The following MROH7 variants were observed in gnomAD, a reference collection of about 807,000 sequenced individuals.
The protein encoded by MROH7 is maestro heat like repeat family member 7, also known as maestro heat-like repeat-containing protein family member 7.
MROH7 carries 113 observed loss-of-function variants against 129.2 expected under a neutral mutation model. That is an observed-to-expected ratio of 0.87 (90% CI 0.75 to 1.02). The LOEUF (loss-of-function observed/expected upper bound fraction) is 1.02. Ranked by LOEUF, MROH7 falls within the 50% of genes least tolerant of loss-of-function variation. The pLI is 0.00. For synonymous variants in MROH7, 655 were observed against 667.9 expected (o/e 0.98, Z 0.30); for missense variants, 1,601 against 1,671.3 (o/e 0.96, Z 0.73).
At chr1:54,669,031 G>A (rs1644855660) in intron 5 of MROH7, 94 bp downstream of exon 5, 1 of 851,982 alleles carries the variant, frequency 1.2e-6, no homozygotes, top group Non-Finnish European at 1.9e-6. Context: ...GTGGGAGGTT[G>A]AGGTAGGAAG....
chr1:54,699,161 T>TCTTTCTG (rs1553176968), intron 17 of MROH7: 2 of 113,498 alleles, frequency 1.8e-5, no homozygotes, highest in African/African-American at 7.2e-5. Flanking sequence ...TTTCTTTCTT[T>TCTTTCTG]TCTTTCTTTC....
rs906880073 is a variant in MROH7, at chr1:54,703,641, C to T, written c.3564+896C>T. ...GGAGCAAGCCGCGTGCATGTGCGCG[C>T]GCGCATACACACACACACACAAGCA... is the stretch of plus-strand genomic sequence containing the variant. On this transcript the variant is annotated intron_variant, in intron 21 of 23. Coordinates refer to ENST00000421030, the MANE Select transcript of MROH7 (RefSeq NM_001039464.4). This position sits in a 1 kb window ranked among gnomAD's most constrained non-coding sequence, Gnocchi z 4.4. 1.3e-5 allele frequency among the ~76,000 whole-genome samples: 2 copies of T among 151,962 alleles called. No individual in the cohort carries two copies. Among genetic ancestry groups the T allele is most frequent in the Non-Finnish European group, 2.9e-5 (2 of 67,994 alleles).
At chr1:54,707,698 T>A (rs1197733149) in intron 22 of MROH7, among the ~76,000 whole-genome samples, 2 of 152,218 alleles carry the variant, frequency 1.3e-5, no homozygotes, top group Non-Finnish European at 2.9e-5. Context: ...TGTCAGGGCC[T>A]GTGCTGGGGA....
chr1:54,670,882 G>T lies in MROH7; in HGVS notation c.1552G>T (p.Val518Leu), dbSNP rs376972881. 3 of 1,612,482 alleles carry T rather than the reference G, an allele frequency of 1.9e-6. No individual in the cohort carries two copies. Among genetic ancestry groups the T allele is most frequent in the East Asian group, 4.5e-5 (2 of 44,822 alleles). ...GCACAGCGTGTTCTCCCTGCCCTCCGTGCAGGCGATGCAGGAGAAGGACGA... is the reference window on the plus strand; with the variant it reads ...GCACAGCGTGTTCTCCCTGCCCTCCTTGCAGGCGATGCAGGAGAAGGACGA... ...CVHSVFSLPSVQAMQEKDEAK... is the reference protein window; with the variant it reads ...CVHSVFSLPSLQAMQEKDEAK... The change falls in exon 7 of 24, where the codon GTG becomes TTG. Residue 518 changes from valine (V) to leucine (L), a missense_variant. Transcript: ENST00000421030.
At chr1:54,676,240 G>A (rs564274377) in intron 10 of MROH7, among the ~76,000 whole-genome samples, 2 of 152,012 alleles carry the variant, frequency 1.3e-5, no homozygotes, top group South Asian at 4.2e-4. Flanking sequence ...CATACTCTTA[G>A]ATTTATTTAT....
In MROH7 at chr1:54,668,930, A is replaced by G. The variant is rs776502888; in HGVS notation, c.1382A>G (p.Lys461Arg). 52 of 1,596,596 alleles carry G rather than the reference A, an allele frequency of 3.3e-5. No individual in the cohort carries two copies. Among genetic ancestry groups the G allele is most frequent in the Middle Eastern group, 1.7e-4 (1 of 6,032 alleles). Residue 461 changes from lysine to arginine, a missense_variant, in exon 5 of 24, where the codon AAG becomes AGG. Transcript: ENST00000421030. ...GGAGAAAAGAAGACCATGATAAAGA[A>G]GATTATGGTGGGGGAGCCACAGGCG... ...AEGEKKTMIKKIMRQIQEEPL... is the reference protein window; with the variant it reads ...AEGEKKTMIKRIMRQIQEEPL...
chr1:54,702,052 A>G (rs1645445919), intron 19 of MROH7, 38 bp from the exon 20 acceptor site: 27 of 1,513,882 alleles, frequency 1.8e-5, no homozygotes, highest in Non-Finnish European at 2.4e-5. Context: ...GTGGCGTCCC[A>G]GAGGAGGGAC....
intron 1 of MROH7, among the ~76,000 whole-genome samples, chr1:54,645,491 G>T (rs1403813691): frequency 2.6e-5 from 4 of 151,830 alleles, no homozygotes; most frequent in Non-Finnish European, 5.9e-5. Context: ...ATGTTGGCCA[G>T]GCTGGTCTTG....
rs535325037 is a variant in MROH7 at position 54,645,078 on chromosome 1, G to A, written c.-110+3110G>A. On this transcript the variant is annotated intron_variant, in intron 1 of 23. Coordinates refer to ENST00000421030, the MANE Select transcript of MROH7 (RefSeq NM_001039464.4). The stretch of plus-strand genomic sequence containing the variant: ...GCTTGCTTCGGCCTCCCAAAGTGCT[G>A]AGATTACATGCATGAGCCACCATGC... Among the ~76,000 whole-genome samples, 338 of 152,182 alleles carry A rather than the reference G, an allele frequency of 2.2e-3. 2 individuals are homozygous for A. Among genetic ancestry groups the A allele is most frequent in the African/African-American group, 7.8e-3 (325 of 41,536 alleles).
intron 18 of MROH7, 69 bp downstream of exon 18, chr1:54,700,530 A>G (rs1645418773): frequency 1.4e-6 from 2 of 1,462,172 alleles, no homozygotes; most frequent in African/African-American, 2.8e-5. Flanking sequence ...GAGCTTCACC[A>G]TTATAGTACC....
rs747808452 is a variant in MROH7 at position 54,673,815 on chromosome 1, C to T, written c.1800+10C>T. ...AACTCTGCCTTTCTTTGTGAGTGGC[C>T]CCTGGGAGGGGTGGACACTCTTAGG... On this transcript the variant is annotated intron_variant, in intron 9 of 23. Coordinates refer to ENST00000421030, the MANE Select transcript of MROH7 (RefSeq NM_001039464.4). The T allele has an allele frequency of 2.1e-5, 34 of 1,604,796 alleles. No individual in the cohort carries two copies. Among genetic ancestry groups the T allele is most frequent in the Non-Finnish European group, 2.7e-5 (32 of 1,171,624 alleles).
chr1:54,702,851 C>A (rs1645462681), intron 21 of MROH7, 106 bp downstream of exon 21: 3 of 1,371,486 alleles, frequency 2.2e-6, no homozygotes, highest in Non-Finnish European at 3.0e-6. Flanking sequence ...ATTTCCATGA[C>A]CAACTACAAG....
At chr1:54,677,714 C>A (rs1465256277) in intron 10 of MROH7, among the ~76,000 whole-genome samples, 3 of 152,142 alleles carry the variant, frequency 2.0e-5, no homozygotes, top group African/African-American at 4.8e-5. Context: ...CAGGTAGGAC[C>A]CAAGGTGGGC....
chr1:54,679,903 A>C lies in MROH7; in HGVS notation c.2239A>C (p.Met747Leu). Residue 747 changes from methionine to leucine, a missense_variant, in exon 13 of 24, where the codon ATG becomes CTG. Met to Leu is a conservative substitution (Grantham distance 15). Transcript: ENST00000421030. ...HRALEVIPEI[M>L]QGIYMQLSHI... The stretch of plus-strand genomic sequence containing the variant: ...GGCTGTGCCCCAGATCCCAGAAATC[A>C]TGCAAGGCATCTACATGCAGCTGAG... The C allele has an allele frequency of 6.2e-7, 1 of 1,609,872 alleles. No individual in the cohort carries two copies. Among genetic ancestry groups the C allele is most frequent in the African/African-American group, 1.3e-5 (1 of 74,964 alleles).
chr1:54,672,608 G>A (rs962098993), intron 7 of MROH7, among the ~76,000 whole-genome samples: 2 of 152,128 alleles, frequency 1.3e-5, no homozygotes, highest in Non-Finnish European at 1.5e-5. Context: ...GCATTTCCCC[G>A]GAGATGATGA....
chr1:54,653,203 T>C lies in MROH7; in HGVS notation c.277T>C (p.Ser93Pro). 1 of 1,614,180 alleles carries C rather than the reference T, an allele frequency of 6.2e-7. No homozygotes were observed. The highest frequency in any genetic ancestry group is 2.2e-5 in the East Asian group (1 of 44,878). Residue 93 changes from serine to proline, a missense_variant, in exon 3 of 24, where the codon TCC becomes CCC. Physicochemically the swap from Ser to Pro is moderately conservative, Grantham distance 74. Transcript: ENST00000421030. Reference sequence around the variant, plus strand: ...TGACAGCAGAGCTATCGCTCCAGCCTCCCTCCAGATCACCAGTTCTTGTTC... The same window carrying C: ...TGACAGCAGAGCTATCGCTCCAGCCCCCCTCCAGATCACCAGTTCTTGTTC... ...PDDSRAIAPA[S>P]LQITSSCSGE...
At chr1:54,684,717 C>G (rs1426690418) in intron 14 of MROH7, among the ~76,000 whole-genome samples, 1 of 152,238 alleles carries the variant, frequency 6.6e-6, no homozygotes, top group Non-Finnish European at 1.5e-5. Context: ...CTTGTCTTAG[C>G]TCTGCCACTG....
intron 7 of MROH7, among the ~76,000 whole-genome samples, chr1:54,671,911 C>T (rs1318590885): frequency 6.6e-6 from 1 of 151,896 alleles, no homozygotes; most frequent in Non-Finnish European, 1.5e-5. Context: ...CTATAAAGAG[C>T]CTGCAATGGT....
chr1:54,680,217 T>A (rs1645047824), intron 13 of MROH7, among the ~76,000 whole-genome samples, 172 bp downstream of exon 13: 2 of 152,210 alleles, frequency 1.3e-5, no homozygotes, highest in Non-Finnish European at 2.9e-5. Context: ...GCACTGCTGC[T>A]GTCAGCGCCG....
Sources: allele counts gnomAD v4.1 joint callset (sites outside exome capture counted in the v4.1 genomes callset), GRCh38; gene constraint gnomAD v4.1.1; non-coding constraint Gnocchi (gnomAD v3.1); transcripts MANE v1.5; gene names NCBI Gene and HGNC (gene_info 2026-07-23, HGNC 2026-07-21).